The following ARID4B variants were observed in gnomAD, a reference collection of about 807,000 sequenced individuals.
The protein encoded by ARID4B is AT-rich interactive domain-containing protein 4B.
Under a neutral mutation model 147.5 loss-of-function variants are expected in ARID4B, and 26 were observed. That is an observed-to-expected ratio of 0.18 (90% CI 0.13 to 0.24). The LOEUF is 0.24. Among genes scored for constraint, ARID4B ranks in the 10% least tolerant of loss-of-function variants. The pLI is 1.00. For synonymous variants in ARID4B, 512 were observed against 507.9 expected, an observed-to-expected ratio of 1.01 and a Z score of -0.11; for missense variants, 1,179 against 1,511.5, an observed-to-expected ratio of 0.78 and a Z score of 3.65.
At chr1:235,202,669 C>T (rs1666026830) in intron 17 of ARID4B, among the ~76,000 whole-genome samples, 1 of 151,758 alleles carries the variant, frequency 6.6e-6, no homozygotes, top group Admixed American at 6.6e-5. Context: ...CCTGCCTCAG[C>T]CCCCTGAGTA....
At chr1:235,265,911 T>C (rs1278315124) in intron 2 of ARID4B, among the ~76,000 whole-genome samples, 1 of 152,126 alleles carries the variant, frequency 6.6e-6, no homozygotes, top group African/African-American at 2.4e-5. Flanking sequence ...AAGGCTATTA[T>C]TTTTACTTTA....
At chr1:235,231,411 C>T (rs1668225987) in intron 9 of ARID4B, among the ~76,000 whole-genome samples, 2 of 152,184 alleles carry the variant, frequency 1.3e-5, no homozygotes, top group Admixed American at 6.5e-5. Context: ...ACCATAAGAG[C>T]TATTTTATAA....
intron 17 of ARID4B, among the ~76,000 whole-genome samples, chr1:235,211,363 A>G (rs1270702809): frequency 2.6e-5 from 4 of 152,106 alleles, no homozygotes; most frequent in Non-Finnish European, 2.9e-5. Context: ...GGAAGAAGGG[A>G]AGGAAATGAG....
intron 10 of ARID4B, 78 bp from the exon 11 acceptor site, chr1:235,229,463 G>A: frequency 2.0e-6 from 2 of 1,021,550 alleles, no homozygotes; most frequent in Non-Finnish European, 2.9e-6. Context: ...ACACGATAAA[G>A]AAATAAAAAC....
intron 2 of ARID4B, among the ~76,000 whole-genome samples, chr1:235,299,034 G>C (rs551011502): frequency 6.6e-6 from 1 of 152,192 alleles, no homozygotes; most frequent in African/African-American, 2.4e-5. Context: ...CAAGAGGATG[G>C]CTTGAACCCA....
intron 23 of ARID4B, among the ~76,000 whole-genome samples, chr1:235,170,778 C>A (rs6666401): frequency 6.6e-6 from 1 of 151,086 alleles, no homozygotes; most frequent in African/African-American, 2.4e-5. Context: ...CTGGGCATGG[C>A]GGCACGCACC....
chr1:235,240,566 G>T, intron 7 of ARID4B, 115 bp from the exon 8 acceptor site: 1 of 941,718 alleles, frequency 1.1e-6, no homozygotes, highest in Non-Finnish European at 1.6e-6. Flanking sequence ...CTGTAAAATG[G>T]CTAATTTAAA....
intron 2 of ARID4B, among the ~76,000 whole-genome samples, chr1:235,297,198 C>G (rs971272359): frequency 6.6e-6 from 1 of 152,060 alleles, no homozygotes; most frequent in Non-Finnish European, 1.5e-5. Flanking sequence ...GGGGTTCCAA[C>G]TGGCCAAAGA....
At position 235,311,356 on chromosome 1, in the gene ARID4B, CAATAATAATAATAAT is replaced by C. The variant is rs57278836; in HGVS notation, c.6+15543_6+15557del. On this transcript the variant is annotated intron_variant, in intron 2 of 23. Coordinates refer to ENST00000264183, the MANE Select transcript of ARID4B (RefSeq NM_016374.6). The stretch of plus-strand genomic sequence containing the variant: ...GACAGAGCAAGACCCTGTCTCAAAA[CAATAATAATAATAAT>C]AATAATAATAATAATAATAATAATA... 5.3e-3 allele frequency among the ~76,000 whole-genome samples: 718 copies of C among 136,718 alleles called. 7 individuals are homozygous for C. Among genetic ancestry groups the C allele is most frequent in the South Asian group, 9.9e-3 (41 of 4,124 alleles). 89.7% of individuals were successfully genotyped at this position (136,718 alleles called of 152,430 possible). A position where few individuals can be genotyped will look rare whatever the true frequency, so the allele number is the denominator to read the frequency against.
chr1:235,233,050 C>T (rs1668342078), intron 9 of ARID4B, among the ~76,000 whole-genome samples: 1 of 152,164 alleles, frequency 6.6e-6, no homozygotes, highest in African/African-American at 2.4e-5. Context: ...GTTAGCCAGG[C>T]TGGTCTTGCA....
At chr1:235,210,581 T>TAA (rs1386057722) in intron 17 of ARID4B, among the ~76,000 whole-genome samples, 1 of 152,242 alleles carries the variant, frequency 6.6e-6, no homozygotes, top group African/African-American at 2.4e-5. Context: ...ATAGTTATGT[T>TAA]AACTCTAAGA....
intron 2 of ARID4B, among the ~76,000 whole-genome samples, chr1:235,262,980 T>C (rs941670153): frequency 1.3e-5 from 2 of 152,198 alleles, no homozygotes; most frequent in African/African-American, 2.4e-5. Flanking sequence ...AAATGTTTTA[T>C]AGAGAGAGAA....
Position 235,181,649 on chromosome 1 carries a change from T to G in ARID4B, c.3270A>C (p.Ala1090=). 3 of 1,614,066 alleles carry G rather than the reference T, an allele frequency of 1.9e-6. No homozygotes were observed. Among genetic ancestry groups the G allele is most frequent in the Middle Eastern group, 1.6e-4 (1 of 6,062 alleles). Residue 1090 remains alanine, a synonymous_variant, in exon 20 of 24, where the codon GCA becomes GCC. Coordinates refer to ENST00000264183, the MANE Select transcript of ARID4B (RefSeq NM_016374.6). ...TTGAGCTCACACTGGCATCAAAACC[T>G]GCTGGCGAGCTATTCCCTTCAGACT... is the stretch of plus-strand genomic sequence containing the variant. ...DLQSEGNSSP[A]GFDASVSSSS...
At chr1:235,280,885 G>C (rs910075041) in intron 2 of ARID4B, among the ~76,000 whole-genome samples, 5 of 151,824 alleles carry the variant, frequency 3.3e-5, no homozygotes, top group Non-Finnish European at 7.4e-5. Context: ...CACGTTTTTT[G>C]AAAGAAATTC....
chr1:235,175,321 C>G lies in ARID4B; in HGVS notation c.3527G>C (p.Gly1176Ala). 1.2e-6 allele frequency: 2 copies of G among 1,614,098 alleles called. No individual in the cohort carries two copies. Among genetic ancestry groups the G allele is most frequent in the Non-Finnish European group, 1.7e-6 (2 of 1,180,000 alleles). Residue 1176 changes from glycine to alanine, a missense_variant, in exon 22 of 24, where the codon GGA becomes GCA. By Grantham distance (60) the Gly-to-Ala change is moderately conservative (BLOSUM62 0). This residue lies in a region of ARID4B where 357 missense variants were observed against 427.3 expected (regional missense o/e 0.84). Coordinates refer to ENST00000264183, the MANE Select transcript of ARID4B (RefSeq NM_016374.6). ...KSQPVKSVST[G>A]MKSHSTKSPA... is the part of the protein sequence containing the mutation. ...AGATTTGGTACTATGAGACTTCATT[C>G]CAGTGGAAACTGATTTGACTGGCTG...
At chr1:235,215,507 G>T (rs1209487039) in intron 16 of ARID4B, among the ~76,000 whole-genome samples, 1 of 149,474 alleles carries the variant, frequency 6.7e-6, no homozygotes, top group Non-Finnish European at 1.5e-5. Flanking sequence ...TAAGAGTAAT[G>T]ATTATATATA....
chr1:235,178,176 A>G (rs969622360), intron 20 of ARID4B, among the ~76,000 whole-genome samples: 27 of 152,194 alleles, frequency 1.8e-4, no homozygotes, highest in African/African-American at 6.5e-4. Flanking sequence ...TATAAACTGA[A>G]AATAGTCCTT....
intron 6 of ARID4B, among the ~76,000 whole-genome samples, chr1:235,247,055 A>G (rs1669344512): frequency 6.6e-6 from 1 of 152,156 alleles, no homozygotes; most frequent in Admixed American, 6.5e-5. Context: ...ATGTAACATT[A>G]ATTTAATTTT....
intron 2 of ARID4B, among the ~76,000 whole-genome samples, chr1:235,281,375 AC>A (rs1373033244): frequency 6.6e-6 from 1 of 152,094 alleles, no homozygotes; most frequent in Non-Finnish European, 1.5e-5. Context: ...ACGTGGTGAA[AC>A]CCTGTCTCTA....
Sources: gnomAD v4.1 joint callset for allele counts (sites outside exome capture counted in the v4.1 genomes callset) on GRCh38, gnomAD v4.1.1 for gene constraint, gnomAD v4.1.1 regional missense constraint, MANE v1.5 for transcripts, NCBI Gene and HGNC (gene_info 2026-07-23, HGNC 2026-07-21) for gene names.